PITPNC1: variants seen among roughly 807,000 people sequenced by gnomAD.
The protein encoded by PITPNC1 is phosphatidylinositol transfer protein cytoplasmic 1.
In PITPNC1, 18 loss-of-function variants were observed where a neutral mutation model predicts 44.7. The ratio of observed to expected loss-of-function variants is 0.40; its 90% CI spans 0.28 to 0.60. The LOEUF (loss-of-function observed/expected upper bound fraction) is 0.60, where lower values mean the gene tolerates loss of function less well. Among genes scored for constraint, PITPNC1 ranks in the 20% least tolerant of loss-of-function variants. PITPNC1 has a pLI of 0.39. For synonymous variants in PITPNC1, 141 were observed against 149.6 expected, an observed-to-expected ratio of 0.94 and a Z score of 0.42; for missense variants, 290 against 418.4, an observed-to-expected ratio of 0.69 and a Z score of 2.68.
At chr17:67,613,278 G>T (rs973505755) in intron 5 of PITPNC1, 3 of 152,188 alleles carry the variant, frequency 2.0e-5, no homozygotes, top group African/African-American at 7.2e-5. Context: ...AAACCTTACA[G>T]CCAAAGTGGT....
At chr17:67,555,761 T>A (rs984496620) in intron 4 of PITPNC1, among the ~76,000 whole-genome samples, 4 of 151,752 alleles carry the variant, frequency 2.6e-5, no homozygotes, top group African/African-American at 9.7e-5. Context: ...GGAGAATCAT[T>A]TGAACCCAGG....
At chr17:67,666,746 G>A (rs2144396191) in intron 6 of PITPNC1, among the ~76,000 whole-genome samples, 1 of 152,278 alleles carries the variant, frequency 6.6e-6, no homozygotes, top group Middle Eastern at 3.4e-3. Context: ...GGAGTGCACT[G>A]TGTTTTTTAG....
At position 67,693,410 on chromosome 17, in the gene PITPNC1, TTAACTC is replaced by T. The variant is rs1389439475; in HGVS notation, c.*526_*531del. The T allele has an allele frequency of 1.3e-5, 2 of 152,780 alleles. No individual in the cohort carries two copies. The highest frequency in any genetic ancestry group is 2.9e-5 in the Non-Finnish European group (2 of 68,128). 9.5% of individuals were successfully genotyped at this position (152,780 alleles called of 1,614,324 possible). A position where few individuals can be genotyped will look rare whatever the true frequency, so the allele number is the denominator to read the frequency against. On this transcript the variant is annotated 3_prime_UTR_variant, in exon 9 of 9. Coordinates refer to ENST00000581322, the MANE Select transcript of PITPNC1 (RefSeq NM_012417.4). ...GTCTGACTCAGGATTTGGAGCCTAA[TTAACTC>T]TAAACTTTTGAAAATTTTAATCATC... is the stretch of plus-strand genomic sequence containing the variant.
intron 6 of PITPNC1, among the ~76,000 whole-genome samples, chr17:67,666,736 G>A (rs1297958074): frequency 6.6e-6 from 1 of 152,136 alleles, no homozygotes; most frequent in Non-Finnish European, 1.5e-5. Flanking sequence ...GTTGGCCCTG[G>A]GAGTGCACTG....
chr17:67,479,656 A>C (rs567014790), intron 1 of PITPNC1, among the ~76,000 whole-genome samples: 12 of 152,196 alleles, frequency 7.9e-5, no homozygotes, highest in Non-Finnish European at 1.8e-4. Context: ...ATCAAAGATT[A>C]TGATTTTTTT....
chr17:67,527,334 A>G (rs1166343985), intron 1 of PITPNC1, among the ~76,000 whole-genome samples: 1 of 152,220 alleles, frequency 6.6e-6, no homozygotes, highest in African/African-American at 2.4e-5. Context: ...ACTCTGTAAC[A>G]TACAGTCTTC....
chr17:67,683,696 G>A (rs1479900737), intron 8 of PITPNC1, among the ~76,000 whole-genome samples: 1 of 152,064 alleles, frequency 6.6e-6, no homozygotes, highest in African/African-American at 2.4e-5. Flanking sequence ...AATAGGGGAT[G>A]GCTGGGCGTG....
intron 1 of PITPNC1, among the ~76,000 whole-genome samples, chr17:67,383,016 G>A (rs542688127): frequency 2.0e-5 from 3 of 150,680 alleles, no homozygotes; most frequent in Admixed American, 6.6e-5. Flanking sequence ...TTATTTTTGA[G>A]ATGGAGTCTT....
At chr17:67,378,443 A>G (rs1459610099) in intron 1 of PITPNC1, among the ~76,000 whole-genome samples, 1 of 152,064 alleles carries the variant, frequency 6.6e-6, no homozygotes, top group East Asian at 1.9e-4. Context: ...CCCAGAATCC[A>G]GACTGTTGGG....
rs1351169591 is a variant in PITPNC1, at chr17:67,597,773, TG to T, written c.366+19520del. Among the ~76,000 whole-genome samples the T allele has an allele frequency of 6.6e-6, 1 of 152,160 alleles. No homozygotes were observed. Among genetic ancestry groups the T allele is most frequent in the Non-Finnish European group, 1.5e-5 (1 of 67,992 alleles). ...GACAGGTACTCTCATTGCAAGGCAG[TG>T]GGGTAGGCTCTATGGAGAACACATG... On this transcript the variant is annotated intron_variant, in intron 5 of 8. Transcript: ENST00000581322. This position sits in a 1 kb window ranked among gnomAD's most constrained non-coding sequence, Gnocchi z 4.0.
chr17:67,627,375 T>A (rs186234618), intron 5 of PITPNC1, among the ~76,000 whole-genome samples: 1 of 152,356 alleles, frequency 6.6e-6, no homozygotes, highest in East Asian at 1.9e-4. Context: ...TACTACAAAG[T>A]TCAAGTAAAG....
At chr17:67,469,737 A>G (rs1297204694) in intron 1 of PITPNC1, among the ~76,000 whole-genome samples, 4 of 152,144 alleles carry the variant, frequency 2.6e-5, no homozygotes, top group Non-Finnish European at 4.4e-5. Context: ...ACTAATGTTT[A>G]GGGACCTAGA....
chr17:67,671,838 G>A (rs1598967071), intron 7 of PITPNC1, among the ~76,000 whole-genome samples: 1 of 152,206 alleles, frequency 6.6e-6, no homozygotes, highest in South Asian at 2.1e-4. Context: ...ATCTAAGGCA[G>A]TGTCTTCCTT....
intron 5 of PITPNC1, among the ~76,000 whole-genome samples, chr17:67,583,667 T>G (rs999715812): frequency 6.6e-6 from 1 of 151,124 alleles, no homozygotes; most frequent in Non-Finnish European, 1.5e-5. Flanking sequence ...TCTGATTTCA[T>G]TGGTCTGAGG....
intron 1 of PITPNC1, among the ~76,000 whole-genome samples, chr17:67,437,117 G>T (rs541673307): frequency 6.6e-6 from 1 of 151,500 alleles, no homozygotes; most frequent in African/African-American, 2.4e-5. Flanking sequence ...ACAGGGTTTC[G>T]CCATGTTGCC....
chr17:67,420,882 T>G (rs2038663857), intron 1 of PITPNC1, among the ~76,000 whole-genome samples: 1 of 152,202 alleles, frequency 6.6e-6, no homozygotes, highest in Non-Finnish European at 1.5e-5. Context: ...TCATACTAAC[T>G]ATATGTGATG....
At chr17:67,454,121 G>A (rs2039223052) in intron 1 of PITPNC1, among the ~76,000 whole-genome samples, 1 of 151,998 alleles carries the variant, frequency 6.6e-6, no homozygotes, top group South Asian at 2.1e-4. Flanking sequence ...CCTGGTGGCG[G>A]GCACCTGTAA....
intron 4 of PITPNC1, among the ~76,000 whole-genome samples, chr17:67,572,489 A>G (rs1279969251): frequency 3.7e-5 from 4 of 107,218 alleles, no homozygotes; most frequent in Non-Finnish European, 1.9e-5. Context: ...GGTAAAGAAG[A>G]AGGGGGGTGA....
intron 5 of PITPNC1, among the ~76,000 whole-genome samples, chr17:67,626,310 A>G (rs1418448231): frequency 1.3e-5 from 2 of 152,146 alleles, no homozygotes; most frequent in Admixed American, 6.5e-5. Context: ...ATTTACAAAC[A>G]AGGACATGGA....
Sources: gnomAD v4.1 joint callset for allele counts (sites outside exome capture counted in the v4.1 genomes callset) on GRCh38, gnomAD v4.1.1 for gene constraint, Gnocchi (gnomAD v3.1) non-coding constraint, MANE v1.5 for transcripts, NCBI Gene and HGNC (gene_info 2026-07-23, HGNC 2026-07-21) for gene names.